ADK: variants seen among roughly 807,000 people sequenced by gnomAD.
ADK encodes the protein N6,N6-dimethyladenosine kinase.
In ADK, 24 loss-of-function variants were observed where a neutral mutation model predicts 44.7. The observed-to-expected ratio is 0.54, with a 90% CI of 0.39 to 0.76. The LOEUF is 0.76. Among genes scored for constraint, ADK ranks in the 30% least tolerant of loss-of-function variants. The pLI, the probability that ADK is intolerant of heterozygous loss-of-function variation, is 0.00. For missense variants in ADK, 321 were observed against 425.1 expected (o/e 0.76, Z 2.15); for synonymous variants, 128 against 142.6 (o/e 0.90, Z 0.73).
chr10:74,595,672 ATCGCC>A, intron 8 of ADK, among the ~76,000 whole-genome samples: 1 of 140,474 alleles, frequency 7.1e-6, no homozygotes, highest in South Asian at 2.5e-4. Context: ...TACCGCGCCC[ATCGCC>A]ATATCAGTTC....
At chr10:74,206,119 T>C (rs1843587670) in intron 2 of ADK, among the ~76,000 whole-genome samples, 1 of 151,756 alleles carries the variant, frequency 6.6e-6, no homozygotes, top group African/African-American at 2.4e-5. Context: ...TTTAAAAAAA[T>C]CATGATGTAT....
intron 4 of ADK, among the ~76,000 whole-genome samples, chr10:74,330,133 A>G (rs186343150): frequency 2.0e-5 from 3 of 152,334 alleles, no homozygotes; most frequent in East Asian, 1.9e-4. Context: ...CTGCCACTGC[A>G]TTCCAGCCTA....
intron 7 of ADK, among the ~76,000 whole-genome samples, chr10:74,545,216 A>G (rs73274174): frequency 0.03 from 4,584 of 152,230 alleles, 198 homozygotes; most frequent in African/African-American, 0.092. Flanking sequence ...GATATTCAGG[A>G]ATTTCTAAAA....
At chr10:74,594,962 C>T (rs1851851188) in intron 8 of ADK, among the ~76,000 whole-genome samples, 1 of 151,910 alleles carries the variant, frequency 6.6e-6, no homozygotes, top group South Asian at 2.1e-4. Context: ...GATCACCTGA[C>T]ATCAGGAGTT....
intron 6 of ADK, among the ~76,000 whole-genome samples, chr10:74,440,862 A>G (rs1845382675): frequency 6.6e-6 from 1 of 152,220 alleles, no homozygotes; most frequent in African/African-American, 2.4e-5. Flanking sequence ...TTTAACCAGC[A>G]TTCATTGAGG....
At chr10:74,378,881 G>A (rs887361547) in intron 4 of ADK, among the ~76,000 whole-genome samples, 2 of 151,840 alleles carry the variant, frequency 1.3e-5, no homozygotes, top group East Asian at 3.9e-4. Context: ...TGGGAGGATT[G>A]CTTGAGCCCA....
intron 2 of ADK, among the ~76,000 whole-genome samples, 158 bp from the exon 3 acceptor site, chr10:74,224,380 T>C (rs1235211619): frequency 6.6e-6 from 1 of 152,158 alleles, no homozygotes; most frequent in East Asian, 1.9e-4. Flanking sequence ...AAATGACTAA[T>C]AGAACAGCAA....
intron 7 of ADK, among the ~76,000 whole-genome samples, chr10:74,570,622 T>G (rs1850918282): frequency 6.6e-6 from 1 of 152,226 alleles, no homozygotes; most frequent in African/African-American, 2.4e-5. Context: ...TGCTTGTGAT[T>G]TTTGCATATT....
intron 2 of ADK, among the ~76,000 whole-genome samples, chr10:74,216,708 G>C (rs962678477): frequency 2.2e-5 from 3 of 135,166 alleles, no homozygotes; most frequent in African/African-American, 8.5e-5. Context: ...CTGGGTGACA[G>C]AGTGAAACTC....
At chr10:74,668,649 T>C (rs1265384296) in intron 9 of ADK, among the ~76,000 whole-genome samples, 1 of 152,162 alleles carries the variant, frequency 6.6e-6, no homozygotes, top group African/African-American at 2.4e-5. Flanking sequence ...GGCAGGAGAA[T>C]TACTTGAACC....
rs56168944 is a variant in ADK at position 74,619,012 on chromosome 10, TTGTGTGTGTGTGTGTGTG to T, written c.877+18549_877+18566del. Among the ~76,000 whole-genome samples, 690 of 139,472 alleles carry T rather than the reference TTGTGTGTGTGTGTGTGTG, an allele frequency of 4.9e-3. 1 individual carries two copies. Among genetic ancestry groups the T allele is most frequent in the Middle Eastern group, 0.014 (4 of 284 alleles). 91.5% of individuals were successfully genotyped at this position (139,472 alleles called of 152,430 possible). A position where few individuals can be genotyped will look rare whatever the true frequency, so the allele number is the denominator to read the frequency against. The stretch of plus-strand genomic sequence containing the variant: ...GTATCCCATATGCCTTTTATGCTCT[TTGTGTGTGTGTGTGTGTG>T]TGTGTGTGTGTGTGTGTGTGTGTGT... On this transcript the variant is annotated intron_variant, in intron 9 of 10. Transcript: ENST00000539909.
At chr10:74,582,203 A>G (rs1336135652) in intron 7 of ADK, among the ~76,000 whole-genome samples, 2 of 152,150 alleles carry the variant, frequency 1.3e-5, no homozygotes, top group African/African-American at 4.8e-5. Context: ...GCATACCTGT[A>G]GTGCCAACTG....
chr10:74,435,084 G>A (rs964763634), intron 6 of ADK, among the ~76,000 whole-genome samples: 2 of 152,138 alleles, frequency 1.3e-5, no homozygotes, highest in Admixed American at 6.5e-5. Context: ...ACATTACATC[G>A]AGTGAAGACT....
At chr10:74,647,902 G>A (rs923798489) in intron 9 of ADK, among the ~76,000 whole-genome samples, 7 of 152,114 alleles carry the variant, frequency 4.6e-5, no homozygotes, top group African/African-American at 1.7e-4. Context: ...TCATAGGTTT[G>A]TGTATTTAAT....
chr10:74,246,176 A>G (rs1332580518), intron 3 of ADK, among the ~76,000 whole-genome samples: 2 of 152,150 alleles, frequency 1.3e-5, no homozygotes, highest in Admixed American at 6.5e-5. Flanking sequence ...GCAGAACTAT[A>G]TTCAAAGTAA....
At chr10:74,363,460 A>T (rs1018075736) in intron 4 of ADK, among the ~76,000 whole-genome samples, 7 of 151,808 alleles carry the variant, frequency 4.6e-5, no homozygotes, top group African/African-American at 1.7e-4. Context: ...TGTGCTTGTC[A>T]TGTTGGCTCA....
In ADK at chr10:74,667,442, G is replaced by GTA. The variant is rs201718158; in HGVS notation, c.878-2740_878-2739insAT. On this transcript the variant is annotated intron_variant, in intron 9 of 10. Coordinates refer to ENST00000539909, the MANE Select transcript of ADK (RefSeq NM_006721.4). ...TAAAGTATCTCAATGATGTGTGTGT[G>GTA]TGTATATATATATATATATCTCCAG... is the stretch of plus-strand genomic sequence containing the variant. 5.0e-3 allele frequency among the ~76,000 whole-genome samples: 760 copies of GTA among 151,576 alleles called. 7 individuals carry two copies. The highest frequency in any genetic ancestry group is 0.017 in the African/African-American group (716 of 41,214).
chr10:74,330,188 T>A (rs188337191), intron 4 of ADK, among the ~76,000 whole-genome samples: 13 of 152,182 alleles, frequency 8.5e-5, no homozygotes, highest in African/African-American at 2.2e-4. Context: ...AATAATTTTT[T>A]AAATATTTAT....
At chr10:74,169,869 A>C (rs752505559) in intron 1 of ADK, among the ~76,000 whole-genome samples, 7 of 152,236 alleles carry the variant, frequency 4.6e-5, no homozygotes, top group Non-Finnish European at 1.0e-4. Flanking sequence ...TTGTCTAATA[A>C]GAACTTAAAG....
Sources: allele counts gnomAD v4.1 joint callset (sites outside exome capture counted in the v4.1 genomes callset), GRCh38; gene constraint gnomAD v4.1.1; transcripts MANE v1.5; gene names NCBI Gene and HGNC (gene_info 2026-07-23, HGNC 2026-07-21).